Variants in C6orf132 observed in about 807,000 individuals in gnomAD.
C6orf132 encodes chromosome 6 open reading frame 132.
In C6orf132, 43 loss-of-function variants were observed where a neutral mutation model predicts 65.3. The ratio of observed to expected loss-of-function variants is 0.66; its 90% CI spans 0.52 to 0.85. C6orf132 has a LOEUF of 0.85. Among genes scored for constraint, C6orf132 ranks in the 40% least tolerant of loss-of-function variants. The pLI, the probability that C6orf132 is intolerant of heterozygous loss-of-function variation, is 0.00. For missense variants in C6orf132, 1,488 were observed against 1,548.8 expected (o/e 0.96, Z 0.66); for synonymous variants, 631 against 654.1 (o/e 0.96, Z 0.54).
chr6:42,137,254 T>A (rs936947053), intron 1 of C6orf132, among the ~76,000 whole-genome samples: 1 of 152,124 alleles, frequency 6.6e-6, no homozygotes, highest in Non-Finnish European at 1.5e-5. Flanking sequence ...TTGTAGCTGG[T>A]CTGTAGGGGT....
intron 1 of C6orf132, among the ~76,000 whole-genome samples, chr6:42,131,768 T>C (rs1000168309): frequency 7.9e-5 from 12 of 152,234 alleles, no homozygotes; most frequent in Admixed American, 2.6e-4. Flanking sequence ...GAGCCATTGT[T>C]GTTTTGCTTG....
In C6orf132 at chr6:42,104,575, C is replaced by CG. The variant is rs1358810878; in HGVS notation, c.3336dup (p.Gly1113ArgfsTer83). The stretch of plus-strand genomic sequence containing the variant: ...GACAGCCTCGGCGCGTGCAGGCCTC[C>CG]GGGGGGCGCGCGACCCGCCGAGTTC... On this transcript the variant is annotated frameshift_variant, in exon 4 of 5. Coordinates refer to ENST00000341865, the MANE Select transcript of C6orf132 (RefSeq NM_001164446.3). LOFTEE classifies it high-confidence loss of function. This position sits in a 1 kb window ranked among gnomAD's most constrained non-coding sequence, Gnocchi z 4.1. The CG allele has an allele frequency of 6.0e-5, 80 of 1,322,972 alleles. No individual in the cohort carries two copies. The highest frequency in any genetic ancestry group is 7.3e-5 in the Non-Finnish European group (76 of 1,041,412). The allele number at this position is 1,322,972 out of a possible 1,614,324, so 82.0% of individuals were successfully genotyped here.
chr6:42,131,376 T>C (rs1306473070), intron 1 of C6orf132, among the ~76,000 whole-genome samples: 2 of 152,316 alleles, frequency 1.3e-5, no homozygotes, highest in Middle Eastern at 3.4e-3. Context: ...CATTATTAAT[T>C]CATTTAATTC....
At chr6:42,121,798 T>C (rs955829775) in intron 2 of C6orf132, among the ~76,000 whole-genome samples, 1 of 152,008 alleles carries the variant, frequency 6.6e-6, no homozygotes, top group African/African-American at 2.4e-5. Flanking sequence ...GAACCTGAGT[T>C]AGAGGCAGGC....
rs575414694 is a variant in C6orf132, at chr6:42,115,269, G to A, written c.253-4978C>T. 6.1e-3 allele frequency among the ~76,000 whole-genome samples: 851 copies of A among 138,766 alleles called. 5 individuals are homozygous for A. The highest frequency in any genetic ancestry group is 9.6e-3 in the Non-Finnish European group (632 of 65,586). The allele number at this position is 138,766 out of a possible 152,430, so 91.0% of individuals were successfully genotyped here. ...CGCACCATTGCACTCCAGCCTGGGC[G>A]ACAGAGTAAGACTCCATCTCAAAAA... On this transcript the variant is annotated intron_variant, in intron 2 of 4. Coordinates refer to ENST00000341865, the MANE Select transcript of C6orf132 (RefSeq NM_001164446.3).
chr6:42,129,372 C>T (rs943998053), intron 1 of C6orf132, among the ~76,000 whole-genome samples: 2 of 152,164 alleles, frequency 1.3e-5, no homozygotes, highest in Non-Finnish European at 2.9e-5. Flanking sequence ...GTCAGTGTGA[C>T]CTGGTTAAAA....
intron 2 of C6orf132, among the ~76,000 whole-genome samples, chr6:42,127,862 G>GA (rs970204545): frequency 2.5e-4 from 37 of 150,528 alleles, no homozygotes; most frequent in Admixed American, 1.4e-3. Context: ...GACTTAGCAT[G>GA]AAAAAAAAGA....
In C6orf132 at chr6:42,105,419, C is replaced by T. The variant is rs1336441889; in HGVS notation, c.2493G>A (p.Glu831=). The T allele has an allele frequency of 1.3e-6, 2 of 1,535,534 alleles. No homozygotes were observed. The highest frequency in any genetic ancestry group is 2.0e-5 in the Admixed American group (1 of 50,966). The change falls in exon 4 of 5, where the codon GAG becomes GAA. Residue 831 remains glutamate (E), a synonymous_variant. Coordinates refer to ENST00000341865, the MANE Select transcript of C6orf132 (RefSeq NM_001164446.3). Reference sequence around the variant, plus strand: ...CCATCGGCGAGCCCCGCTCCACCACCTCCCCAGTCACCGGGTGCCTGAGGA... The same window carrying T: ...CCATCGGCGAGCCCCGCTCCACCACTTCCCCAGTCACCGGGTGCCTGAGGA... ...DELLRHPVTG[E]VVERGSPMAL...
At chr6:42,141,390 G>A (rs186127928) in intron 1 of C6orf132, among the ~76,000 whole-genome samples, 3 of 152,328 alleles carry the variant, frequency 2.0e-5, no homozygotes, top group African/African-American at 7.2e-5. Flanking sequence ...CAACCTGGGC[G>A]TTCCAGAGCC....
chr6:42,134,991 ACT>A (rs1480407823), intron 1 of C6orf132, among the ~76,000 whole-genome samples: 5 of 152,058 alleles, frequency 3.3e-5, no homozygotes, highest in Admixed American at 1.3e-4. Flanking sequence ...ACAGAGTGAG[ACT>A]CTGTCTCAAA....
rs1767055252 is a variant in C6orf132 at position 42,142,461 on chromosome 6, C to A, written c.-17G>T. ...CTTTTTCATGCTGCCGCAGCCCGCG[C>A]GGGCGCCAGGGAAGGACCTTCCCTC... On this transcript the variant is annotated 5_prime_UTR_variant, in exon 1 of 5. Coordinates refer to ENST00000341865, the MANE Select transcript of C6orf132 (RefSeq NM_001164446.3). 1.3e-6 allele frequency: 2 copies of A among 1,548,560 alleles called. No individual in the cohort carries two copies. Among genetic ancestry groups the A allele is most frequent in the Admixed American group, 3.9e-5 (2 of 50,914 alleles).
chr6:42,136,893 C>A lies in C6orf132; in HGVS notation c.145+5407G>T, dbSNP rs1023173543. Among the ~76,000 whole-genome samples the A allele has an allele frequency of 9.9e-5, 15 of 152,274 alleles. No homozygotes were observed. In the East Asian group the frequency reaches 2.7e-3, roughly 28 times the overall value. ...ACGGAACAGAATGGCGCCGCCCCCCCAGCCCTGCAGGTGGGACTAAGGGGG... is the reference window on the plus strand; with the variant it reads ...ACGGAACAGAATGGCGCCGCCCCCCAAGCCCTGCAGGTGGGACTAAGGGGG... On this transcript the variant is annotated intron_variant, in intron 1 of 4. Coordinates refer to ENST00000341865, the MANE Select transcript of C6orf132 (RefSeq NM_001164446.3).
intron 2 of C6orf132, among the ~76,000 whole-genome samples, chr6:42,127,207 G>A (rs1318568094): frequency 1.3e-5 from 2 of 152,082 alleles, no homozygotes; most frequent in East Asian, 1.9e-4. Flanking sequence ...CTCCCACCTC[G>A]GCCTCCCAAA....
chr6:42,104,635 C>T lies in C6orf132; in HGVS notation c.3277G>A (p.Gly1093Arg). 1 of 1,420,780 alleles carries T rather than the reference C, an allele frequency of 7.0e-7. No homozygotes were observed. The highest frequency in any genetic ancestry group is 9.1e-7 in the Non-Finnish European group (1 of 1,094,766). 88.0% of individuals were successfully genotyped at this position (1,420,780 alleles called of 1,614,324 possible). Residue 1093 changes from glycine (G) to arginine (R), a missense_variant, in exon 4 of 5, where the codon GGG (glycine) becomes AGG (arginine). By Grantham distance (125) the Gly-to-Arg change is moderately radical. Transcript: ENST00000341865. This position sits in a 1 kb window ranked among gnomAD's most constrained non-coding sequence, Gnocchi z 4.1. ...ATCTCGGGGCCTCCGGGCTGCGGCC[C>T]GAAGCAGTTGGGAGAGCTCAGGCTG... ...GRSLSSPNCF[G>R]PQPGGPEMRR...
chr6:42,119,248 C>CAAAAAAAAAAAAAAAAAAA (rs1156356191), intron 2 of C6orf132, among the ~76,000 whole-genome samples: 4 of 44,776 alleles, frequency 8.9e-5, no homozygotes, highest in African/African-American at 3.9e-4. Flanking sequence ...GACTCTGTCT[C>CAAAAAAAAAAAAAAAAAAA]AAAAAAAAAA....
rs1562030975 is a variant in C6orf132 at position 42,102,306 on chromosome 6, A to C, written c.*1455T>G. On this transcript the variant is annotated 3_prime_UTR_variant, in exon 5 of 5. Coordinates refer to ENST00000341865, the MANE Select transcript of C6orf132 (RefSeq NM_001164446.3). ...CAATTGTGCAATCTCGGCTCACTGCAACCTCCACCTCCTGGGTTCGAGCGA... is the reference window on the plus strand; with the variant it reads ...CAATTGTGCAATCTCGGCTCACTGCCACCTCCACCTCCTGGGTTCGAGCGA... 1 of 138,666 alleles carries C rather than the reference A, an allele frequency of 7.2e-6. No individual in the cohort carries two copies. Among genetic ancestry groups the C allele is most frequent in the Non-Finnish European group, 1.5e-5 (1 of 66,532 alleles). 8.6% of individuals were successfully genotyped at this position (138,666 alleles called of 1,614,324 possible).
At chr6:42,119,066 C>CAAAAAAA (rs1160587167) in intron 2 of C6orf132, among the ~76,000 whole-genome samples, 1 of 54,782 alleles carries the variant, frequency 1.8e-5, no homozygotes, top group Non-Finnish European at 3.3e-5. Flanking sequence ...CCTGTCTCTA[C>CAAAAAAA]AAAAAAAAAA....
chr6:42,114,895 C>T (rs976927179), intron 2 of C6orf132, among the ~76,000 whole-genome samples: 1 of 151,908 alleles, frequency 6.6e-6, no homozygotes, highest in Non-Finnish European at 1.5e-5. Flanking sequence ...ATCCCAGCTA[C>T]TCGGGAGGCT....
chr6:42,136,452 C>T (rs114958265), intron 1 of C6orf132, among the ~76,000 whole-genome samples: 3,253 of 152,222 alleles, frequency 0.021, 134 homozygotes, highest in African/African-American at 0.075. Context: ...TAGGAGGATT[C>T]GGGCCTTAGC....
Sources: allele counts gnomAD v4.1 joint callset (sites outside exome capture counted in the v4.1 genomes callset), GRCh38; gene constraint gnomAD v4.1.1; non-coding constraint Gnocchi (gnomAD v3.1); transcripts MANE v1.5; gene names NCBI Gene and HGNC (gene_info 2026-07-23, HGNC 2026-07-21).